Variants in INCENP observed in about 807,000 individuals in gnomAD.
INCENP encodes binds and activates aurora-B and -C in vivo and in vitro.
In INCENP, 43 loss-of-function variants were observed where a neutral mutation model predicts 107.3. The observed-to-expected ratio is 0.40, with a 90% CI of 0.31 to 0.52. The LOEUF is 0.52. Among genes scored for constraint, INCENP ranks in the 20% least tolerant of loss-of-function variants. The pLI, the probability that INCENP is intolerant of heterozygous loss-of-function variation, is 0.53. For missense variants in INCENP, 1,089 were observed against 1,250.9 expected (o/e 0.87, Z 1.95); for synonymous variants, 488 against 494.4 (o/e 0.99, Z 0.17).
intron 4 of INCENP, among the ~76,000 whole-genome samples, chr11:62,134,808 T>C (rs1282206803): frequency 6.6e-6 from 1 of 152,164 alleles, no homozygotes; most frequent in Non-Finnish European, 1.5e-5. Flanking sequence ...TCCCAGCACA[T>C]TGGGAGGCCG....
At chr11:62,125,482 G>A (rs1220645066) in intron 1 of INCENP, among the ~76,000 whole-genome samples, 2 of 152,252 alleles carry the variant, frequency 1.3e-5, no homozygotes, top group African/African-American at 2.4e-5. Context: ...AGGGTTAGGG[G>A]AAGGTGAGGG....
In INCENP at chr11:62,138,981, G is replaced by C. The variant is rs559972913; in HGVS notation, c.1267G>C (p.Glu423Gln). 15 of 1,613,940 alleles carry C rather than the reference G, an allele frequency of 9.3e-6. No homozygotes were observed. Among genetic ancestry groups the C allele is most frequent in the Middle Eastern group, 1.6e-4 (1 of 6,062 alleles). ...PNPKPAASSPETPSAGQQEAK... is the reference protein window; with the variant it reads ...PNPKPAASSPQTPSAGQQEAK... ...CCCGAAGCCTGCAGCCAGCAGCCCG[G>C]AAACACCCTCTGCAGGGCAGCAAGG... Residue 423 changes from glutamate to glutamine, a missense_variant, in exon 7 of 19, where the codon GAA becomes CAA. By Grantham distance (29) the Glu-to-Gln change is conservative (BLOSUM62 2). Coordinates refer to ENST00000394818, the MANE Select transcript of INCENP (RefSeq NM_001040694.2).
chr11:62,151,777 A>C lies in INCENP; in HGVS notation c.2558A>C (p.Gln853Pro). 2 of 1,614,086 alleles carry C rather than the reference A, an allele frequency of 1.2e-6. No homozygotes were observed. The highest frequency in any genetic ancestry group is 1.7e-6 in the Non-Finnish European group (2 of 1,180,010). Reference protein sequence around the residue: ...PTWARGTPLSQAIIHQYYHPP... With the variant: ...PTWARGTPLSPAIIHQYYHPP... ...TCTCCTGCAGGCACCCCGCTCAGCCAGGCTATCATTCACCAGTACTACCAC... is the reference window on the plus strand; with the variant it reads ...TCTCCTGCAGGCACCCCGCTCAGCCCGGCTATCATTCACCAGTACTACCAC... Residue 853 changes from glutamine (Q) to proline (P), a missense_variant, in exon 19 of 19, where the codon CAG (glutamine) becomes CCG (proline). By Grantham distance (76) the Gln-to-Pro change is moderately conservative (BLOSUM62 -1). Coordinates refer to ENST00000394818, the MANE Select transcript of INCENP (RefSeq NM_001040694.2).
intron 18 of INCENP, among the ~76,000 whole-genome samples, chr11:62,151,229 T>C (rs180681332): frequency 8.9e-4 from 135 of 152,294 alleles, no homozygotes; most frequent in African/African-American, 3.0e-3. Context: ...CAAGTGCTGG[T>C]GCATGTCTGG....
In INCENP at chr11:62,137,327, G is replaced by GCT. The variant is rs1944013873; in HGVS notation, c.1064-502_1064-501dup. ...CAAAAAAAAGAAAAAAAATTTCTCT[G>GCT]CTCTGTTCCACCATTGCCCATGCTG... is the stretch of plus-strand genomic sequence containing the variant. On this transcript the variant is annotated intron_variant, in intron 4 of 18. Coordinates refer to ENST00000394818, the MANE Select transcript of INCENP (RefSeq NM_001040694.2). 2.0e-5 allele frequency among the ~76,000 whole-genome samples: 3 copies of GCT among 152,306 alleles called. No individual in the cohort carries two copies. The South Asian group carries it at 6.2e-4, about 32-fold the overall frequency.
chr11:62,126,090 T>C (rs1943742002), intron 1 of INCENP, among the ~76,000 whole-genome samples: 1 of 152,194 alleles, frequency 6.6e-6, no homozygotes, highest in South Asian at 2.1e-4. Flanking sequence ...GGAAGTCCCA[T>C]GAGACTGAAA....
At chr11:62,142,790 T>TGAGAAC (rs1944151818) in intron 11 of INCENP, among the ~76,000 whole-genome samples, 1 of 152,200 alleles carries the variant, frequency 6.6e-6, no homozygotes, top group Admixed American at 6.5e-5. Flanking sequence ...AGCCTGGGAC[T>TGAGAAC]TGGCAGGTGG....
At chr11:62,137,545 A>G (rs540932528) in intron 4 of INCENP, among the ~76,000 whole-genome samples, 1 of 152,236 alleles carries the variant, frequency 6.6e-6, no homozygotes, top group South Asian at 2.1e-4. Flanking sequence ...TGCAGCAAAC[A>G]TTGTCCCTCT....
At chr11:62,139,722 A>G (rs1178678165) in intron 7 of INCENP, among the ~76,000 whole-genome samples, 1 of 152,222 alleles carries the variant, frequency 6.6e-6, no homozygotes, top group Non-Finnish European at 1.5e-5. Flanking sequence ...GGGCCACACC[A>G]GCTGCATGGC....
Position 62,153,124 on chromosome 11 carries a change from T to G in INCENP, c.*1148T>G, listed in dbSNP as rs1944409910. On this transcript the variant is annotated 3_prime_UTR_variant, in exon 19 of 19. Transcript: ENST00000394818. ...ACTATTTGAACTTTTTCAGAAGTTC[T>G]GCTTAAGGACAAAATAAAGCCTAAA... The G allele has an allele frequency of 6.6e-6, 1 of 152,284 alleles. No individual in the cohort carries two copies. The highest frequency in any genetic ancestry group is 1.5e-5 in the Non-Finnish European group (1 of 68,054). The allele number at this position is 152,284 out of a possible 1,614,324, so 9.4% of individuals were successfully genotyped here. A position where few individuals can be genotyped will look rare whatever the true frequency, so the allele number is the denominator to read the frequency against.
intron 15 of INCENP, among the ~76,000 whole-genome samples, chr11:62,147,621 G>C (rs532905657): frequency 1.3e-5 from 2 of 152,192 alleles, no homozygotes; most frequent in African/African-American, 4.8e-5. Flanking sequence ...CCCCGTAGCT[G>C]TTCCCTCTCC....
At chr11:62,128,634 T>C (rs945992134) in intron 2 of INCENP, 136 bp from the exon 3 acceptor site, 9 of 693,702 alleles carry the variant, frequency 1.3e-5, no homozygotes, top group Non-Finnish European at 2.0e-5. Context: ...GCACATGGCC[T>C]TGGAGAGCTC....
intron 11 of INCENP, 96 bp downstream of exon 11, chr11:62,141,607 C>T: frequency 1.4e-6 from 2 of 1,473,040 alleles, no homozygotes; most frequent in South Asian, 2.3e-5. Context: ...TGTAGATGCA[C>T]TAACATTGTA....
Position 62,148,841 on chromosome 11 carries a change from G to T in INCENP, c.2386G>T (p.Val796Leu), listed in dbSNP as rs370271729. 6.2e-6 allele frequency: 10 copies of T among 1,601,542 alleles called. No homozygotes were observed. The highest frequency in any genetic ancestry group is 6.8e-6 in the Non-Finnish European group (8 of 1,173,500). ...CAAGGCCCTGAATGTGACTGTGGAC[G>T]TGCAGGTGCCACCTGGGCCCCAGTG... ...ASKALNVTVD[V>L]QSPACTSYQM... is the part of the protein sequence containing the mutation. Residue 796 changes from valine to leucine, a missense_variant, in exon 17 of 19, where the codon GTG (valine) becomes TTG (leucine). Coordinates refer to ENST00000394818, the MANE Select transcript of INCENP (RefSeq NM_001040694.2).
rs1270571039 is a variant in INCENP at position 62,140,740 on chromosome 11, G to A, written c.1380G>A (p.Leu460=). The change falls in exon 9 of 19, where the codon CTG becomes CTA. Residue 460 remains leucine (L), a synonymous_variant. Coordinates refer to ENST00000394818, the MANE Select transcript of INCENP (RefSeq NM_001040694.2). ...GCTACAAGCAGGCCGTGAGTGAGCT[G>A]GACGAGGAGCAGCACCTGGAGGATG... ...KRSYKQAVSE[L]DEEQHLEDEE... is the part of the protein sequence containing the mutation. 6.3e-7 allele frequency: 1 copy of A among 1,599,822 alleles called. No individual in the cohort carries two copies. Among genetic ancestry groups the A allele is most frequent in the Admixed American group, 1.7e-5 (1 of 58,012 alleles).
chr11:62,150,037 G>T lies in INCENP; in HGVS notation c.2392-20G>T. ...TGGGAATGCCATGGAGGGAACTGAC[G>T]GCCACGTTTGTTTTTGCAGTCTCCA... is the stretch of plus-strand genomic sequence containing the variant. On this transcript the variant is annotated intron_variant, in intron 17 of 18. Coordinates refer to ENST00000394818, the MANE Select transcript of INCENP (RefSeq NM_001040694.2). The T allele has an allele frequency of 6.2e-7, 1 of 1,612,204 alleles. No individual in the cohort carries two copies. Among genetic ancestry groups the T allele is most frequent in the South Asian group, 1.1e-5 (1 of 90,924 alleles).
In INCENP at chr11:62,138,632, C is replaced by A. The variant is rs992631270; in HGVS notation, c.1116-81C>A. Reference sequence around the variant, plus strand: ...TGTGTTGACCTCTTGGGTCCCCATCCCTGGAATGGTAGAGGGACTCCCTAG... The same window carrying A: ...TGTGTTGACCTCTTGGGTCCCCATCACTGGAATGGTAGAGGGACTCCCTAG... On this transcript the variant is annotated intron_variant, in intron 5 of 18. Coordinates refer to ENST00000394818, the MANE Select transcript of INCENP (RefSeq NM_001040694.2). The A allele has an allele frequency of 2.2e-6, 3 of 1,384,088 alleles. No individual in the cohort carries two copies. In the African/African-American group the frequency reaches 4.3e-5, roughly 20 times the overall value. The allele number at this position is 1,384,088 out of a possible 1,614,324, so 85.7% of individuals were successfully genotyped here.
Position 62,145,294 on chromosome 11 carries a change from G to A in INCENP, c.1836+5G>A. The A allele has an allele frequency of 1.2e-6, 2 of 1,613,950 alleles. No homozygotes were observed. Among genetic ancestry groups the A allele is most frequent in the African/African-American group, 1.3e-5 (1 of 75,056 alleles). The stretch of plus-strand genomic sequence containing the variant: ...ATCGACGAGAAGACTGAGAAGGTGG[G>A]AGCCTGGGCTGTGGAGGCCCAGGCA... On this transcript the variant is annotated splice_donor_5th_base_variant and intron_variant, in intron 13 of 18. Transcript: ENST00000394818.
At chr11:62,136,030 C>A (rs1943986575) in intron 4 of INCENP, among the ~76,000 whole-genome samples, 1 of 152,148 alleles carries the variant, frequency 6.6e-6, no homozygotes. Context: ...ATCTCCTGAC[C>A]TAGTGATCCG....
Sources: allele counts gnomAD v4.1 joint callset (sites outside exome capture counted in the v4.1 genomes callset), GRCh38; gene constraint gnomAD v4.1.1; transcripts MANE v1.5; gene names NCBI Gene and HGNC (gene_info 2026-07-23, HGNC 2026-07-21).